The following PLXNA2 variants were observed in gnomAD, a reference collection of about 807,000 sequenced individuals.
PLXNA2 encodes the protein plexin-A2.
Under a neutral mutation model 193.5 loss-of-function variants are expected in PLXNA2, and 91 were observed. That is an observed-to-expected ratio of 0.47 (90% CI 0.40 to 0.56). The LOEUF (loss-of-function observed/expected upper bound fraction) is 0.56, where lower values mean the gene tolerates loss of function less well. Ranked by LOEUF, PLXNA2 falls within the 20% of genes least tolerant of loss-of-function variation. The pLI, the probability that PLXNA2 is intolerant of heterozygous loss-of-function variation, is 0.00. For synonymous variants in PLXNA2, 997 were observed against 1,027.3 expected (o/e 0.97, Z 0.56); for missense variants, 1,995 against 2,503.2 (o/e 0.80, Z 4.33).
At chr1:208,096,246 A>G in intron 7 of PLXNA2, 121 bp from the exon 8 acceptor site, 2 of 745,632 alleles carry the variant, frequency 2.7e-6, no homozygotes, top group Non-Finnish European at 2.3e-6. Flanking sequence ...TGTAGATACT[A>G]TGTGGAACCT....
chr1:208,196,608 A>C (rs576530415), intron 3 of PLXNA2, among the ~76,000 whole-genome samples: 2 of 152,296 alleles, frequency 1.3e-5, no homozygotes, highest in South Asian at 4.1e-4. Context: ...ATTGAATTGG[A>C]GAATGGACTC....
chr1:208,060,690 C>T lies in PLXNA2; in HGVS notation c.2734G>A (p.Glu912Lys). 3 of 1,612,820 alleles carry T rather than the reference C, an allele frequency of 1.9e-6. No homozygotes were observed. The highest frequency in any genetic ancestry group is 2.5e-6 in the Non-Finnish European group (3 of 1,179,320). The change falls in exon 13 of 32, where the codon GAG becomes AAG. Residue 912 changes from glutamate (E) to lysine (K), a missense_variant. Glu to Lys is a moderately conservative substitution (Grantham distance 56, BLOSUM62 1). This residue lies in a region of PLXNA2 where 1,291 missense variants were observed against 1,673.6 expected (regional missense o/e 0.77). Coordinates refer to ENST00000367033, the MANE Select transcript of PLXNA2 (RefSeq NM_025179.4). ...TPLPGEYIIA[E>K]QIVCEMGHAL... ...GGCTGGCCAGGGCGGACTCACTGCT[C>T]AGCGATGATGTATTCCCCTGGGAGG...
Position 208,028,906 on chromosome 1 carries a change from G to C in PLXNA2, c.5362C>G (p.Arg1788Gly). 1 of 1,614,148 alleles carries C rather than the reference G, an allele frequency of 6.2e-7. No individual in the cohort carries two copies. The highest frequency in any genetic ancestry group is 8.5e-7 in the Non-Finnish European group (1 of 1,180,032). ...TTGGAGGGGGAGTCCTTGCCCAGCC[G>C]GTGCTCTGACGTTGAACAAGAGTCC... ...FMDSCSTSEH[R>G]LGKDSPSNKL... The change falls in exon 30 of 32, where the codon CGG (arginine) becomes GGG (glycine). Residue 1788 changes from arginine (R) to glycine (G), a missense_variant. Coordinates refer to ENST00000367033, the MANE Select transcript of PLXNA2 (RefSeq NM_025179.4). This position sits in a 1 kb window ranked among gnomAD's most constrained non-coding sequence, Gnocchi z 4.2.
intron 1 of PLXNA2, among the ~76,000 whole-genome samples, chr1:208,237,762 A>G (rs1671914208): frequency 6.6e-6 from 1 of 152,164 alleles, no homozygotes; most frequent in African/African-American, 2.4e-5. Context: ...ACCCCCTAGT[A>G]CACACTGTTA....
intron 3 of PLXNA2, among the ~76,000 whole-genome samples, chr1:208,195,653 G>A (rs7520775): frequency 5.3e-4 from 57 of 108,182 alleles, no homozygotes; most frequent in Non-Finnish European, 8.8e-4. Flanking sequence ...ATGTTTTTTG[G>A]GGGGGGGGGT....
chr1:208,210,804 C>A (rs1670919514), intron 2 of PLXNA2, among the ~76,000 whole-genome samples: 1 of 152,214 alleles, frequency 6.6e-6, no homozygotes, highest in African/African-American at 2.4e-5. Flanking sequence ...AGGACCATGG[C>A]ATTCTGTGGG....
chr1:208,112,049 G>C (rs1467385112), intron 4 of PLXNA2, among the ~76,000 whole-genome samples: 1 of 152,152 alleles, frequency 6.6e-6, no homozygotes, highest in African/African-American at 2.4e-5. Context: ...TAATGACTTG[G>C]GGGAGAAGAG....
chr1:208,051,472 G>C (rs1370271442), intron 15 of PLXNA2, 49 bp from the exon 16 acceptor site: 1 of 1,526,150 alleles, frequency 6.6e-7, no homozygotes, highest in Non-Finnish European at 8.9e-7. Flanking sequence ...TGGGCAACAA[G>C]AGGTGCCCAC....
rs141605287 is a variant in PLXNA2, at chr1:208,210,318, C to G, written c.1333G>C (p.Val445Leu). 1.4e-4 allele frequency: 218 copies of G among 1,613,934 alleles called. 1 individual carries two copies. The African/African-American group carries it at 2.5e-3, about 19-fold the overall frequency. Residue 445 changes from valine (V) to leucine (L), a missense_variant, in exon 3 of 32, where the codon GTG becomes CTG. Physicochemically the swap from Val to Leu is conservative, Grantham distance 32. Around this residue, in one of 3 missense-constraint regions of PLXNA2, gnomAD observed 702 missense variants for 812.9 expected, o/e 0.86. Transcript: ENST00000367033. ...CCACTCTTAGTCCCCACAAAAACCA[C>G]GCTGTAGCCGTTGTAAACGTAGGAG... ...VASYVYNGYS[V>L]VFVGTKSGKL...
At chr1:208,089,834 A>C (rs1161098983) in intron 9 of PLXNA2, among the ~76,000 whole-genome samples, 1 of 152,190 alleles carries the variant, frequency 6.6e-6, no homozygotes, top group Non-Finnish European at 1.5e-5. Flanking sequence ...ATTTCCAGTT[A>C]GCTGGAAATC....
At chr1:208,241,874 A>G (rs1672063911) in intron 1 of PLXNA2, among the ~76,000 whole-genome samples, 1 of 151,860 alleles carries the variant, frequency 6.6e-6, no homozygotes, top group South Asian at 2.1e-4. Flanking sequence ...AGGTGGAAGA[A>G]GGGGAATGAA....
chr1:208,030,901 G>A (rs1664482594), intron 29 of PLXNA2: 1 of 985,836 alleles, frequency 1.0e-6, no homozygotes, highest in Non-Finnish European at 1.2e-6. Flanking sequence ...TGAGGATAAA[G>A]TCTCATACCA....
chr1:208,031,377 G>T, intron 29 of PLXNA2: 1 of 1,404,622 alleles, frequency 7.1e-7, no homozygotes, highest in African/African-American at 1.4e-5. Context: ...CTATTGCTGT[G>T]CCTCAAGCCA....
At chr1:208,090,153 G>A (rs952457967) in intron 9 of PLXNA2, among the ~76,000 whole-genome samples, 1 of 152,172 alleles carries the variant, frequency 6.6e-6, no homozygotes, top group Admixed American at 6.5e-5. Context: ...GGAGCTGGAT[G>A]GAGTCTGGGC....
intron 5 of PLXNA2, among the ~76,000 whole-genome samples, chr1:208,102,620 T>G (rs763054910): frequency 1.3e-5 from 2 of 152,196 alleles, no homozygotes; most frequent in African/African-American, 2.4e-5. Flanking sequence ...ACCAAAGCAT[T>G]TATTATTTCA....
chr1:208,184,741 CAA>C (rs1469247258), intron 3 of PLXNA2, among the ~76,000 whole-genome samples: 2 of 151,934 alleles, frequency 1.3e-5, no homozygotes, highest in South Asian at 2.1e-4. Context: ...AGAGAAATCA[CAA>C]AGAGTACACA....
At chr1:208,199,647 C>T (rs557040709) in intron 3 of PLXNA2, among the ~76,000 whole-genome samples, 3 of 150,738 alleles carry the variant, frequency 2.0e-5, no homozygotes, top group South Asian at 2.1e-4. Context: ...GCTGAGATCA[C>T]GCCACTGCAC....
intron 6 of PLXNA2, among the ~76,000 whole-genome samples, chr1:208,097,145 G>C (rs1195708674): frequency 6.6e-6 from 1 of 152,158 alleles, no homozygotes; most frequent in Non-Finnish European, 1.5e-5. Flanking sequence ...AGCCCTAGGG[G>C]TGGGGGCGCT....
rs1369949533 is a variant in PLXNA2, at chr1:208,028,814, T to G, written c.5438+16A>C. ...GGGAGACAAGGGCATGGGCCTGTCC[T>G]GAGGGTGCTACTGACCTCTCCACCC... is the stretch of plus-strand genomic sequence containing the variant. On this transcript the variant is annotated intron_variant, in intron 30 of 31. Coordinates refer to ENST00000367033, the MANE Select transcript of PLXNA2 (RefSeq NM_025179.4). This position sits in a 1 kb window ranked among gnomAD's most constrained non-coding sequence, Gnocchi z 4.2. 6.2e-7 allele frequency: 1 copy of G among 1,610,394 alleles called. No homozygotes were observed. The highest frequency in any genetic ancestry group is 1.7e-5 in the Admixed American group (1 of 59,984).
Sources: gnomAD v4.1 joint callset for allele counts (sites outside exome capture counted in the v4.1 genomes callset) on GRCh38, gnomAD v4.1.1 for gene constraint, gnomAD v4.1.1 regional missense constraint, Gnocchi (gnomAD v3.1) non-coding constraint, MANE v1.5 for transcripts, NCBI Gene and HGNC (gene_info 2026-07-23, HGNC 2026-07-21) for gene names.